Variants in GSTO1 observed in about 807,000 individuals in gnomAD.
GSTO1 encodes glutathione S-transferase omega 1, also known as glutathione S-transferase omega-1.
Under a neutral mutation model 23.8 loss-of-function variants are expected in GSTO1, and 27 were observed. The ratio of observed to expected loss-of-function variants is 1.13; its 90% CI spans 0.83 to 1.56. The LOEUF (loss-of-function observed/expected upper bound fraction) is 1.56, where lower values mean the gene tolerates loss of function less well. Ranked by LOEUF, GSTO1 falls within the 40% of genes most tolerant of loss-of-function variation. The probability of loss-of-function intolerance (pLI) is 0.00; values close to 1 mark genes in which losing one functional copy is unlikely to be tolerated. For missense variants in GSTO1, 255 were observed against 285.8 expected (o/e 0.89, Z 0.78); for synonymous variants, 105 against 109.3 (o/e 0.96, Z 0.25).
chr10:104,266,756 G>T (rs1440973234), intron 5 of GSTO1, among the ~76,000 whole-genome samples: 2 of 151,868 alleles, frequency 1.3e-5, no homozygotes, highest in Non-Finnish European at 2.9e-5. Flanking sequence ...AATTCCATAA[G>T]GTTGTAAATT....
intron 4 of GSTO1, 37 bp downstream of exon 4, chr10:104,263,114 T>C (rs750999494): frequency 1.2e-6 from 1 of 816,170 alleles, no homozygotes; most frequent in East Asian, 2.4e-5. Context: ...GAGTAAACGA[T>C]AACTATATCT....
rs2011179074 is a variant in GSTO1, at chr10:104,266,101, G to C, written c.483G>C (p.Lys161Asn). 2.5e-6 allele frequency: 4 copies of C among 1,596,882 alleles called. No homozygotes were observed. Among genetic ancestry groups the C allele is most frequent in the African/African-American group, 1.3e-5 (1 of 74,746 alleles). The change falls in exon 5 of 6, where the codon AAG becomes AAC. Residue 161 changes from lysine (K) to asparagine (N), a missense_variant. Lys to Asn is a moderately conservative substitution (Grantham distance 94). Transcript: ENST00000369713. ...ATGTTCAGGTTCTGACTAATAAGAA[G>C]ACGACCTTCTTTGGTGGCAATTCTA... ...TKLEEVLTNK[K>N]TTFFGGNSIS...
At chr10:104,265,350 T>C (rs2011170610) in intron 4 of GSTO1, among the ~76,000 whole-genome samples, 1 of 152,246 alleles carries the variant, frequency 6.6e-6, no homozygotes, top group Non-Finnish European at 1.5e-5. Context: ...TGTAGTTCTT[T>C]CCTGTTCTTT....
chr10:104,254,692 A>C, upstream of GSTO1: 1 of 587,708 alleles, frequency 1.7e-6, no homozygotes, highest in Admixed American at 3.0e-5. Flanking sequence ...ACTTTTGTGT[A>C]TCTCCCCGTG....
At chr10:104,258,432 C>T (rs1475169106) in intron 2 of GSTO1, among the ~76,000 whole-genome samples, 6 of 152,064 alleles carry the variant, frequency 3.9e-5, no homozygotes, top group African/African-American at 7.2e-5. Flanking sequence ...GCAAAGGAAA[C>T]GATTAACAGA....
chr10:104,264,273 T>G (rs1455952501), intron 4 of GSTO1, among the ~76,000 whole-genome samples: 1 of 152,196 alleles, frequency 6.6e-6, no homozygotes, highest in Non-Finnish European at 1.5e-5. Flanking sequence ...TGGTTTTATA[T>G]TTCTTCTTGA....
chr10:104,261,491 G>A (rs1339820412), intron 3 of GSTO1, among the ~76,000 whole-genome samples: 1 of 152,062 alleles, frequency 6.6e-6, no homozygotes, highest in African/African-American at 2.4e-5. Flanking sequence ...AGACAGTAAA[G>A]GTTAGGACAG....
chr10:104,256,674 G>C (rs1260784985), intron 2 of GSTO1, among the ~76,000 whole-genome samples: 1 of 152,088 alleles, frequency 6.6e-6, no homozygotes, highest in Admixed American at 6.5e-5. Flanking sequence ...AACAAAGCAT[G>C]GTTTTCTCTA....
At chr10:104,254,816 G>T (rs952789308), upstream of GSTO1, 2 of 1,054,496 alleles carry the variant, frequency 1.9e-6, no homozygotes, top group Non-Finnish European at 1.4e-6. Flanking sequence ...CCGGGGGCAG[G>T]CACTTTTGAG....
intron 2 of GSTO1, among the ~76,000 whole-genome samples, chr10:104,258,315 G>C (rs898134401): frequency 1.3e-5 from 2 of 152,186 alleles, no homozygotes; most frequent in African/African-American, 4.8e-5. Flanking sequence ...TAGGGGAAAA[G>C]CTTCATGACA....
chr10:104,255,270 A>C lies in GSTO1; in HGVS notation c.142A>C (p.Arg48=). 6.3e-7 allele frequency: 1 copy of C among 1,598,670 alleles called. No individual in the cohort carries two copies. The highest frequency in any genetic ancestry group is 8.6e-7 in the Non-Finnish European group (1 of 1,166,010). The change falls in exon 2 of 6, where the codon AGG becomes CGG. Residue 48 remains arginine, a splice_region_variant and synonymous_variant. Transcript: ENST00000369713. ...TCTAGTCCTGAAGGCCAAGGGAATC[A>C]GGTGGGCACCCAGGCGGGGGACGCT... The part of the protein sequence containing the change: ...TRLVLKAKGI[R]HEVININLKN...
chr10:104,263,990 T>G (rs1436649166), intron 4 of GSTO1, among the ~76,000 whole-genome samples: 1 of 152,154 alleles, frequency 6.6e-6, no homozygotes, highest in African/African-American at 2.4e-5. Flanking sequence ...GATTTTTATA[T>G]GTACTGTAGA....
chr10:104,260,937 G>A (rs1273652693), intron 3 of GSTO1, among the ~76,000 whole-genome samples: 1 of 152,162 alleles, frequency 6.6e-6, no homozygotes, highest in Non-Finnish European at 1.5e-5. Flanking sequence ...CGATGTGGGA[G>A]AGTTTTACAA....
intron 3 of GSTO1, 92 bp downstream of exon 3, chr10:104,259,890 A>C: frequency 2.5e-6 from 2 of 813,156 alleles, no homozygotes; most frequent in Non-Finnish European, 2.1e-6. Flanking sequence ...GATTTGGGAG[A>C]GAAAAACAAA....
In GSTO1 at chr10:104,266,126, A is replaced by G. The variant is rs376039597; in HGVS notation, c.508A>G (p.Ile170Val). Residue 170 changes from isoleucine (I) to valine (V), a missense_variant, in exon 5 of 6, where the codon ATC becomes GTC. Transcript: ENST00000369713. ...GACGACCTTCTTTGGTGGCAATTCT[A>G]TCTCTATGATTGATTACCTCATCTG... The part of the protein sequence containing the change: ...KKTTFFGGNS[I>V]SMIDYLIWPW... 16 of 1,610,840 alleles carry G rather than the reference A, an allele frequency of 9.9e-6. No homozygotes were observed. The highest frequency in any genetic ancestry group is 1.3e-5 in the African/African-American group (1 of 74,862).
chr10:104,265,734 A>C (rs2011174218), intron 4 of GSTO1, among the ~76,000 whole-genome samples: 3 of 152,206 alleles, frequency 2.0e-5, no homozygotes, highest in African/African-American at 7.2e-5. Flanking sequence ...ATCTTTCTTG[A>C]AGATCAAGTC....
intron 2 of GSTO1, among the ~76,000 whole-genome samples, chr10:104,257,326 CT>C (rs1411597669): frequency 1.3e-5 from 2 of 150,778 alleles, no homozygotes; most frequent in East Asian, 3.9e-4. Flanking sequence ...AATCTGAAAG[CT>C]TATTTTGTGG....
At chr10:104,261,893 C>T (rs1233250826) in intron 3 of GSTO1, among the ~76,000 whole-genome samples, 1 of 152,200 alleles carries the variant, frequency 6.6e-6, no homozygotes, top group African/African-American at 2.4e-5. Flanking sequence ...ATTAAAGCAT[C>T]TGATGCTACA....
intron 3 of GSTO1, 91 bp downstream of exon 3, chr10:104,259,889 G>A: frequency 2.4e-6 from 2 of 821,678 alleles, no homozygotes; most frequent in South Asian, 1.6e-5. Flanking sequence ...TGATTTGGGA[G>A]AGAAAAACAA....
Sources: allele counts gnomAD v4.1 joint callset (sites outside exome capture counted in the v4.1 genomes callset), GRCh38; gene constraint gnomAD v4.1.1; transcripts MANE v1.5; gene names NCBI Gene and HGNC (gene_info 2026-07-23, HGNC 2026-07-21).